PCCB: variants seen among roughly 807,000 people sequenced by gnomAD.
The protein encoded by PCCB is propionyl-CoA carboxylase subunit beta, also known as propionyl-CoA carboxylase beta chain, mitochondrial.
A neutral mutation model predicts 60.7 loss-of-function variants in PCCB; 43 were observed. The observed-to-expected ratio is 0.71, with a 90% confidence interval of 0.55 to 0.91. The LOEUF (loss-of-function observed/expected upper bound fraction) is 0.91. Among genes scored for constraint, PCCB ranks in the 40% least tolerant of loss-of-function variants. The probability of loss-of-function intolerance (pLI) is 0.00; values close to 1 mark genes in which losing one functional copy is unlikely to be tolerated. For missense variants in PCCB, 766 were observed against 702.8 expected (o/e 1.09, Z -1.02); for synonymous variants, 276 against 255.9 (o/e 1.08, Z -0.75).
intron 10 of PCCB, among the ~76,000 whole-genome samples, chr3:136,322,904 C>T (rs546490715): frequency 5.2e-4 from 79 of 151,744 alleles, no homozygotes; most frequent in African/African-American, 1.8e-3. Flanking sequence ...ATTCTTTTAG[C>T]ATTTTAAATA....
chr3:136,257,868 G>A (rs1941713809), intron 3 of PCCB, among the ~76,000 whole-genome samples: 1 of 152,188 alleles, frequency 6.6e-6, no homozygotes, highest in Non-Finnish European at 1.5e-5. Context: ...GGGAGGCGGA[G>A]GTTGCAGTGA....
chr3:136,289,301 G>A (rs1933567976), intron 6 of PCCB, among the ~76,000 whole-genome samples: 1 of 152,174 alleles, frequency 6.6e-6, no homozygotes, highest in African/African-American at 2.4e-5. Flanking sequence ...TTTGCCTCAT[G>A]TTATTTTGAT....
intron 9 of PCCB, among the ~76,000 whole-genome samples, chr3:136,309,435 C>G (rs897557446): frequency 1.3e-5 from 2 of 151,948 alleles, no homozygotes; most frequent in Admixed American, 6.6e-5. Flanking sequence ...TGGCTAACTT[C>G]AAAAAAGAGA....
intron 9 of PCCB, among the ~76,000 whole-genome samples, chr3:136,305,372 G>GT (rs1934421412): frequency 2.5e-5 from 3 of 122,048 alleles, no homozygotes; most frequent in African/African-American, 7.5e-5. Context: ...CATTAGAGGT[G>GT]TAAGCCACTG....
intron 7 of PCCB, among the ~76,000 whole-genome samples, chr3:136,297,192 G>GCT (rs1933976730): frequency 6.6e-6 from 1 of 152,142 alleles, no homozygotes; most frequent in South Asian, 2.1e-4. Flanking sequence ...TTATGCAAAG[G>GCT]CTCTCGGTAG....
chr3:136,309,456 A>G (rs1934575970), intron 9 of PCCB, among the ~76,000 whole-genome samples: 1 of 152,200 alleles, frequency 6.6e-6, no homozygotes, highest in Non-Finnish European at 1.5e-5. Context: ...CAGTAAAAGC[A>G]GAAGTATGAA....
chr3:136,295,061 A>T (rs868655761), intron 7 of PCCB, among the ~76,000 whole-genome samples: 25 of 152,380 alleles, frequency 1.6e-4, no homozygotes, highest in Admixed American at 3.9e-4. Context: ...TAGTGAAGAC[A>T]TGTTAGCTGT....
intron 6 of PCCB, among the ~76,000 whole-genome samples, chr3:136,289,787 T>A (rs1201632411): frequency 7.0e-6 from 1 of 143,224 alleles, no homozygotes; most frequent in Non-Finnish European, 1.5e-5. Context: ...TAACATGTTA[T>A]ACTTTTTTTT....
intron 9 of PCCB, among the ~76,000 whole-genome samples, chr3:136,302,022 C>T (rs557585312): frequency 6.6e-6 from 1 of 152,236 alleles, no homozygotes; most frequent in Non-Finnish European, 1.5e-5. Context: ...GAAGTCAGTT[C>T]AGCCCAAAGC....
chr3:136,287,048 T>TA (rs1228789527), intron 6 of PCCB, among the ~76,000 whole-genome samples: 2 of 148,182 alleles, frequency 1.3e-5, no homozygotes, highest in East Asian at 2.0e-4. Context: ...AAAAAAAAAA[T>TA]AATAAAAATA....
At chr3:136,290,998 C>T (rs1278726123) in intron 6 of PCCB, among the ~76,000 whole-genome samples, 1 of 151,958 alleles carries the variant, frequency 6.6e-6, no homozygotes, top group Non-Finnish European at 1.5e-5. Context: ...TACCAAAAAA[C>T]ATCAAATGCA....
At chr3:136,288,749 C>T (rs1210872706) in intron 6 of PCCB, among the ~76,000 whole-genome samples, 1 of 152,186 alleles carries the variant, frequency 6.6e-6, no homozygotes, top group Non-Finnish European at 1.5e-5. Context: ...AAGTGATCCT[C>T]CTGTGTAGCT....
chr3:136,315,799 G>A (rs542504707), intron 9 of PCCB, among the ~76,000 whole-genome samples: 99 of 151,972 alleles, frequency 6.5e-4, no homozygotes, highest in Middle Eastern at 3.4e-3. Context: ...CTGCACTCCA[G>A]CCTGGGTCAC....
In PCCB at chr3:136,250,357, A is replaced by G. The variant is rs916034311; in HGVS notation, c.-19A>G. The G allele has an allele frequency of 4.7e-6, 7 of 1,495,684 alleles. No homozygotes were observed. The highest frequency in any genetic ancestry group is 4.2e-5 in the African/African-American group (3 of 71,674). 92.7% of individuals were successfully genotyped at this position (1,495,684 alleles called of 1,614,324 possible). A position where few individuals can be genotyped will look rare whatever the true frequency, so the allele number is the denominator to read the frequency against. The stretch of plus-strand genomic sequence containing the variant: ...GCGTACTCAGGTGCGCCGGTAGGGG[A>G]CGCGCCGGCACAGCAAAAATGGCGG... On this transcript the variant is annotated 5_prime_UTR_variant, in exon 1 of 15. Transcript: ENST00000251654.
chr3:136,307,996 AAT>A (rs1934509402), intron 9 of PCCB, among the ~76,000 whole-genome samples: 1 of 151,758 alleles, frequency 6.6e-6, no homozygotes, highest in Non-Finnish European at 1.5e-5. Flanking sequence ...TAATAATAAT[AAT>A]AATATGATAG....
intron 5 of PCCB, 29 bp from the exon 6 acceptor site, chr3:136,283,808 C>A: frequency 7.1e-7 from 1 of 1,413,158 alleles, no homozygotes; most frequent in Non-Finnish European, 1.0e-6. Context: ...TCTCTGTAAC[C>A]AGATGCTTTT....
At chr3:136,253,408 A>G (rs1031298157) in intron 1 of PCCB, among the ~76,000 whole-genome samples, 6 of 151,126 alleles carry the variant, frequency 4.0e-5, no homozygotes, top group Admixed American at 3.3e-4. Flanking sequence ...TTCTTAAGAC[A>G]GGGTCTCACC....
At chr3:136,290,808 T>C (rs1369039947) in intron 6 of PCCB, among the ~76,000 whole-genome samples, 3 of 151,836 alleles carry the variant, frequency 2.0e-5, no homozygotes, top group Admixed American at 6.6e-5. Flanking sequence ...CTCTTTCTGC[T>C]CCTTCTGGAA....
At chr3:136,328,634 T>TG in intron 13 of PCCB, 124 bp from the exon 14 acceptor site, 1 of 756,954 alleles carries the variant, frequency 1.3e-6, no homozygotes, top group Non-Finnish European at 2.4e-6. Flanking sequence ...CCTTTAGAGA[T>TG]GGCACTTCCC....
Sources: gnomAD v4.1 joint callset for allele counts (sites outside exome capture counted in the v4.1 genomes callset) on GRCh38, gnomAD v4.1.1 for gene constraint, MANE v1.5 for transcripts, NCBI Gene and HGNC (gene_info 2026-07-23, HGNC 2026-07-21) for gene names.